The following RTKN2 variants were observed in gnomAD, a reference collection of about 807,000 sequenced individuals.
RTKN2 encodes the protein rhotekin 2, also known as rhotekin-2.
Under a neutral mutation model 71.5 loss-of-function variants are expected in RTKN2, and 69 were observed. That is an observed-to-expected ratio of 0.96 (90% CI 0.79 to 1.18). RTKN2 has a LOEUF of 1.18. Ranked by LOEUF, RTKN2 falls within the 50% of genes most tolerant of loss-of-function variation. The probability of loss-of-function intolerance (pLI) is 0.00; values close to 1 mark genes in which losing one functional copy is unlikely to be tolerated. For missense variants in RTKN2, 724 were observed against 719.7 expected (o/e 1.01, Z -0.07); for synonymous variants, 236 against 236.5 (o/e 1.00, Z 0.02).
rs781529342 is a variant in RTKN2, at chr10:62,245,990, A to G, written c.316+9T>C. 2 of 1,539,030 alleles carry G rather than the reference A, an allele frequency of 1.3e-6. No individual in the cohort carries two copies. The highest frequency in any genetic ancestry group is 1.8e-6 in the Non-Finnish European group (2 of 1,126,032). The stretch of plus-strand genomic sequence containing the variant: ...ATTCAGCAATATAAAAGATTCATTT[A>G]TAGCATACCTGATATGGCAATCTTT... On this transcript the variant is annotated intron_variant, in intron 3 of 11. Transcript: ENST00000373789.
Position 62,246,022 on chromosome 10 carries a change from C to T in RTKN2, c.293G>A (p.Cys98Tyr). The T allele has an allele frequency of 6.3e-7, 1 of 1,595,688 alleles. No individual in the cohort carries two copies. Among genetic ancestry groups the T allele is most frequent in the Non-Finnish European group, 8.5e-7 (1 of 1,170,748 alleles). ...VKFESKERTA[C>Y]KGKIAISDIR... ...ACCTGATATGGCAATCTTTCCTTTACATGCTGTTCGTTCTTTACTTTCAAA... is the reference window on the plus strand; with the variant it reads ...ACCTGATATGGCAATCTTTCCTTTATATGCTGTTCGTTCTTTACTTTCAAA... Residue 98 changes from cysteine to tyrosine, a missense_variant, in exon 3 of 12, where the codon TGT (cysteine) becomes TAT (tyrosine). Coordinates refer to ENST00000373789, the MANE Select transcript of RTKN2 (RefSeq NM_145307.4).
At chr10:62,186,966 A>C (rs1388937644) in intron 8 of RTKN2, among the ~76,000 whole-genome samples, 6 of 152,172 alleles carry the variant, frequency 3.9e-5, no homozygotes, top group Admixed American at 3.9e-4. Flanking sequence ...TACTATTTTC[A>C]CTGGTGTTGA....
In RTKN2 at chr10:62,198,181, C is replaced by A; in HGVS notation, c.1557G>T (p.Gln519His). The A allele has an allele frequency of 1.2e-6, 2 of 1,614,072 alleles. No homozygotes were observed. The highest frequency in any genetic ancestry group is 1.7e-6 in the Non-Finnish European group (2 of 1,179,964). The change falls in exon 12 of 12, where the codon CAG (glutamine) becomes CAT (histidine). Residue 519 changes from glutamine (Q) to histidine (H), a missense_variant. Physicochemically the swap from Gln to His is conservative, Grantham distance 24. Transcript: ENST00000373789. ...SDKLPFSLKS[Q>H]SNTDQLVKDN... is the part of the protein sequence containing the mutation. ...CCTTAACCAATTGATCTGTGTTACT[C>A]TGTGATTTTAAGCTGAATGGAAGTT... is the stretch of plus-strand genomic sequence containing the variant.
downstream of RTKN2, among the ~76,000 whole-genome samples, chr10:62,192,072 A>C (rs1841232112): frequency 6.6e-6 from 1 of 151,990 alleles, no homozygotes; most frequent in East Asian, 1.9e-4. Context: ...AAACATTAAA[A>C]TAAAAAACCC....
chr10:62,215,125 A>G (rs1162445390), intron 9 of RTKN2: 1 of 1,242,068 alleles, frequency 8.1e-7, no homozygotes, highest in Non-Finnish European at 1.1e-6. Context: ...ATTACATTTT[A>G]TTTTATGACT....
At chr10:62,229,392 A>G (rs1028319485) in intron 6 of RTKN2, among the ~76,000 whole-genome samples, 1 of 152,192 alleles carries the variant, frequency 6.6e-6, no homozygotes, top group Non-Finnish European at 1.5e-5. Flanking sequence ...TTACTGGTGC[A>G]AGGTCATGAA....
intron 3 of RTKN2, among the ~76,000 whole-genome samples, chr10:62,241,785 G>A (rs146821994): frequency 0.015 from 2,274 of 152,100 alleles, 54 homozygotes; most frequent in African/African-American, 0.052. Flanking sequence ...TGCAACCTCC[G>A]CCTCCTGGGT....
rs531026796 is a variant in RTKN2 at position 62,194,364 on chromosome 10, A to T, written c.*3544T>A. 14 of 984,764 alleles carry T rather than the reference A, an allele frequency of 1.4e-5. No homozygotes were observed. The South Asian group carries it at 5.6e-4, about 40-fold the overall frequency. 61.0% of individuals were successfully genotyped at this position (984,764 alleles called of 1,614,324 possible). ...CATATGTAAACATTTAAAAATAGTG[A>T]TGCCTTTGAAATGTAAGGGGAAAAT... is the stretch of plus-strand genomic sequence containing the variant. On this transcript the variant is annotated 3_prime_UTR_variant, in exon 12 of 12. Coordinates refer to ENST00000373789, the MANE Select transcript of RTKN2 (RefSeq NM_145307.4).
intron 6 of RTKN2, among the ~76,000 whole-genome samples, chr10:62,224,348 AGATAT>A (rs1316049083): frequency 6.6e-6 from 1 of 152,002 alleles, no homozygotes; most frequent in Non-Finnish European, 1.5e-5. Flanking sequence ...GAAAAAATTT[AGATAT>A]AATAGATGAC....
chr10:62,248,659 CTT>C, intron 2 of RTKN2, among the ~76,000 whole-genome samples: 1 of 152,172 alleles, frequency 6.6e-6, no homozygotes, highest in South Asian at 2.1e-4. Context: ...AAAAGACAAA[CTT>C]AATTTTTATT....
At chr10:62,218,670 A>G (rs1201969477) in intron 7 of RTKN2, among the ~76,000 whole-genome samples, 1 of 152,220 alleles carries the variant, frequency 6.6e-6, no homozygotes, top group Non-Finnish European at 1.5e-5. Context: ...TGTTTGTCAA[A>G]TTCTACTTTT....
At chr10:62,257,264 T>C (rs1328115235) in intron 2 of RTKN2, among the ~76,000 whole-genome samples, 1 of 152,192 alleles carries the variant, frequency 6.6e-6, no homozygotes, top group Non-Finnish European at 1.5e-5. Context: ...ACATTGTCCC[T>C]GTTTCCAAAA....
chr10:62,193,497 C>T lies in RTKN2; in HGVS notation c.*4411G>A, dbSNP rs996667770. The T allele has an allele frequency of 4.1e-6, 4 of 982,272 alleles. No homozygotes were observed. The Admixed American group carries it at 2.5e-4, about 60-fold the overall frequency. The allele number at this position is 982,272 out of a possible 1,614,324, so 60.8% of individuals were successfully genotyped here. A position where few individuals can be genotyped will look rare whatever the true frequency, so the allele number is the denominator to read the frequency against. On this transcript the variant is annotated 3_prime_UTR_variant, in exon 12 of 12. Transcript: ENST00000373789. ...TAAAGGTAGTTTGTTTCTCTAAGCA[C>T]ATTGATTAGTAGGCCTCTCTCTGTA...
intron 6 of RTKN2, among the ~76,000 whole-genome samples, chr10:62,232,058 T>A (rs1842160168): frequency 6.6e-6 from 1 of 152,182 alleles, no homozygotes; most frequent in Non-Finnish European, 1.5e-5. Context: ...TAAAAGGTTT[T>A]ATTGTATCTT....
At chr10:62,234,251 T>A (rs938956453) in intron 6 of RTKN2, among the ~76,000 whole-genome samples, 1 of 151,900 alleles carries the variant, frequency 6.6e-6, no homozygotes, top group Non-Finnish European at 1.5e-5. Flanking sequence ...AGGCTGGGTG[T>A]GGTGGCCTCA....
At position 62,268,678 on chromosome 10, in the gene RTKN2, C is replaced by T. The variant is rs1435146688; in HGVS notation, c.-68G>A. 27 of 1,487,956 alleles carry T rather than the reference C, an allele frequency of 1.8e-5. No homozygotes were observed. The East Asian group carries it at 4.0e-4, about 22-fold the overall frequency. 92.2% of individuals were successfully genotyped at this position (1,487,956 alleles called of 1,614,324 possible). A position where few individuals can be genotyped will look rare whatever the true frequency, so the allele number is the denominator to read the frequency against. On this transcript the variant is annotated 5_prime_UTR_variant, in exon 1 of 12. Transcript: ENST00000373789. ...GAAGATTTGAAAAGCCCGCCCCTGGCAGGAGCCGCAGAGGACGCCAACCGC... is the reference window on the plus strand; with the variant it reads ...GAAGATTTGAAAAGCCCGCCCCTGGTAGGAGCCGCAGAGGACGCCAACCGC...
rs993029268 is a variant in RTKN2 at position 62,217,144 on chromosome 10, G to T, written c.994C>A (p.Pro332Thr). Residue 332 changes from proline (P) to threonine (T), a missense_variant, in exon 9 of 12, where the codon CCA (proline) becomes ACA (threonine). Physicochemically the swap from Pro to Thr is conservative, Grantham distance 38. Coordinates refer to ENST00000373789, the MANE Select transcript of RTKN2 (RefSeq NM_145307.4). ...TTGTTAATGGGTACTACCAAAGCTG[G>T]TTCCACTTTAGCTTCAATTTCCTCT... ...SPEEIEAKVE[P>T]ALVVPINKET... is the part of the protein sequence containing the mutation. The T allele has an allele frequency of 1.3e-6, 2 of 1,583,382 alleles. No homozygotes were observed. The highest frequency in any genetic ancestry group is 1.2e-5 in the South Asian group (1 of 85,288).
intron 2 of RTKN2, among the ~76,000 whole-genome samples, chr10:62,252,844 A>T (rs1325689460): frequency 1.3e-5 from 2 of 152,054 alleles, no homozygotes; most frequent in Non-Finnish European, 2.9e-5. Context: ...TAAGGGCATT[A>T]TATAGTTATC....
In RTKN2 at chr10:62,268,726, G is replaced by T. The variant is rs1450646357; in HGVS notation, c.-116C>A. The T allele has an allele frequency of 9.0e-7, 1 of 1,105,684 alleles. No homozygotes were observed. Among genetic ancestry groups the T allele is most frequent in the African/African-American group, 1.6e-5 (1 of 62,280 alleles). The allele number at this position is 1,105,684 out of a possible 1,614,324, so 68.5% of individuals were successfully genotyped here. A position where few individuals can be genotyped will look rare whatever the true frequency, so the allele number is the denominator to read the frequency against. The stretch of plus-strand genomic sequence containing the variant: ...CGCCCGGCCGTACCAAGTCCCAGTC[G>T]CAGGGGCCGGGGGCGCAGGAGGAGC... On this transcript the variant is annotated 5_prime_UTR_variant, in exon 1 of 12. Transcript: ENST00000373789.
Sources: allele counts gnomAD v4.1 joint callset (sites outside exome capture counted in the v4.1 genomes callset), GRCh38; gene constraint gnomAD v4.1.1; transcripts MANE v1.5; gene names NCBI Gene and HGNC (gene_info 2026-07-23, HGNC 2026-07-21).